Variants in CPQ observed in about 807,000 individuals in gnomAD.
CPQ encodes the protein carboxypeptidase Q.
A neutral mutation model predicts 45.7 loss-of-function variants in CPQ; 37 were observed. The observed-to-expected ratio is 0.81, with a 90% CI of 0.62 to 1.07. The LOEUF (loss-of-function observed/expected upper bound fraction) is 1.07, where lower values mean the gene tolerates loss of function less well. CPQ is among the 50% of genes least tolerant of loss of function. The pLI, the probability that CPQ is intolerant of heterozygous loss-of-function variation, is 0.00. For missense variants in CPQ, 537 were observed against 572.9 expected, an observed-to-expected ratio of 0.94 and a Z score of 0.64; for synonymous variants, 186 against 205.8, an observed-to-expected ratio of 0.90 and a Z score of 0.82.
chr8:96,653,664 A>G (rs1815603515), intron 1 of CPQ, among the ~76,000 whole-genome samples: 1 of 152,362 alleles, frequency 6.6e-6, no homozygotes, highest in South Asian at 2.1e-4. Context: ...AGGTAGAGAA[A>G]AGAAAATTTT....
chr8:96,853,093 T>C (rs968856027), intron 3 of CPQ, among the ~76,000 whole-genome samples: 8 of 152,196 alleles, frequency 5.3e-5, no homozygotes, highest in African/African-American at 1.9e-4. Context: ...AGCTGCAAAA[T>C]ATTTGATGTT....
chr8:96,747,659 C>G (rs1388892072), intron 1 of CPQ, among the ~76,000 whole-genome samples: 1 of 152,136 alleles, frequency 6.6e-6, no homozygotes, highest in Admixed American at 6.5e-5. Flanking sequence ...TTAGATTCAT[C>G]TTTTTTACTT....
intron 1 of CPQ, among the ~76,000 whole-genome samples, chr8:96,711,992 T>C (rs1019457526): frequency 1.3e-5 from 2 of 151,976 alleles, no homozygotes; most frequent in Non-Finnish European, 2.9e-5. Flanking sequence ...CTAGATACAA[T>C]GGGGATACAG....
intron 4 of CPQ, among the ~76,000 whole-genome samples, chr8:96,892,024 C>CT (rs985748018): frequency 8.5e-5 from 13 of 152,098 alleles, no homozygotes; most frequent in African/African-American, 2.2e-4. Flanking sequence ...TAGTGTTACT[C>CT]TTTTTTTTAA....
At chr8:97,109,237 T>C (rs1309019898) in intron 7 of CPQ, among the ~76,000 whole-genome samples, 1 of 152,188 alleles carries the variant, frequency 6.6e-6, no homozygotes, top group Non-Finnish European at 1.5e-5. Flanking sequence ...TTCTCCATGC[T>C]CTGCTAGTTT....
At chr8:96,730,957 A>G (rs1305899073) in intron 1 of CPQ, among the ~76,000 whole-genome samples, 2 of 148,422 alleles carry the variant, frequency 1.3e-5, no homozygotes, top group Non-Finnish European at 3.0e-5. Context: ...TGGAAACCCA[A>G]TGCATAAAAA....
chr8:96,917,553 A>C (rs1478847575), intron 4 of CPQ, among the ~76,000 whole-genome samples: 1 of 152,080 alleles, frequency 6.6e-6, no homozygotes, highest in Admixed American at 6.6e-5. Flanking sequence ...CCATTTCTCC[A>C]AGGAACCCTG....
chr8:96,723,895 C>T (rs1211901091), intron 1 of CPQ, among the ~76,000 whole-genome samples: 2 of 152,052 alleles, frequency 1.3e-5, no homozygotes, highest in Non-Finnish European at 2.9e-5. Flanking sequence ...TTACATCAAA[C>T]TAGATTCCGA....
rs577833656 is a variant in CPQ at position 96,831,951 on chromosome 8, A to G, written c.434-3022A>G. 1.8e-4 allele frequency among the ~76,000 whole-genome samples: 28 copies of G among 152,334 alleles called. No individual in the cohort carries two copies. In the East Asian group the frequency reaches 1.9e-3, roughly 11 times the overall value. ...AGTCTAGTCACATTTCAAGTGGTCA[A>G]TAGCCACATGTGGCTAATGGCTACT... On this transcript the variant is annotated intron_variant, in intron 2 of 7. Coordinates refer to ENST00000220763, the MANE Select transcript of CPQ (RefSeq NM_016134.4).
intron 6 of CPQ, among the ~76,000 whole-genome samples, chr8:97,063,672 A>G (rs1810589974): frequency 6.6e-6 from 1 of 151,978 alleles, no homozygotes; most frequent in East Asian, 1.9e-4. Flanking sequence ...TCAAGTTTCA[A>G]CTTCTGCATG....
At chr8:97,024,290 T>C (rs961305610) in intron 5 of CPQ, among the ~76,000 whole-genome samples, 1 of 152,064 alleles carries the variant, frequency 6.6e-6, no homozygotes, top group Non-Finnish European at 1.5e-5. Flanking sequence ...ACACTAGGGC[T>C]TCCCTCCAGA....
chr8:96,819,202 C>A (rs576502788), intron 2 of CPQ, among the ~76,000 whole-genome samples: 1 of 111,146 alleles, frequency 9.0e-6, no homozygotes, highest in South Asian at 3.6e-4. Context: ...GTTTGAGGGG[C>A]TAATATGAGG....
At chr8:96,665,533 G>C (rs1671776686) in intron 1 of CPQ, among the ~76,000 whole-genome samples, 1 of 152,192 alleles carries the variant, frequency 6.6e-6, no homozygotes, top group South Asian at 2.1e-4. Context: ...GGAAGATTTA[G>C]GGGAAGGTGA....
At chr8:96,892,837 C>A (rs1812396060) in intron 4 of CPQ, among the ~76,000 whole-genome samples, 1 of 152,132 alleles carries the variant, frequency 6.6e-6, no homozygotes, top group African/African-American at 2.4e-5. Flanking sequence ...ATTAATTTGC[C>A]AAAATGGGAT....
chr8:96,977,326 A>G (rs77625372), intron 5 of CPQ, among the ~76,000 whole-genome samples: 2 of 45,566 alleles, frequency 4.4e-5, no homozygotes, highest in South Asian at 6.1e-4. Context: ...TCCGTAATCA[A>G]AAAAAAAAAA....
At chr8:97,130,683 T>C (rs1427969895) in intron 7 of CPQ, among the ~76,000 whole-genome samples, 1 of 152,170 alleles carries the variant, frequency 6.6e-6, no homozygotes, top group African/African-American at 2.4e-5. Context: ...GGGTCAAGAT[T>C]TTTTCATGAG....
chr8:97,119,686 C>T (rs536101110), intron 7 of CPQ, among the ~76,000 whole-genome samples: 99 of 152,270 alleles, frequency 6.5e-4, no homozygotes, highest in Non-Finnish European at 1.1e-3. Context: ...CTTAGAACAG[C>T]GATAGCATAC....
intron 6 of CPQ, among the ~76,000 whole-genome samples, chr8:97,041,601 G>A (rs561646068): frequency 7.9e-5 from 12 of 152,272 alleles, no homozygotes; most frequent in East Asian, 7.7e-4. Context: ...TGCCCATTCA[G>A]TATGATATTG....
intron 6 of CPQ, among the ~76,000 whole-genome samples, chr8:97,065,647 C>A (rs1265909376): frequency 6.6e-6 from 1 of 152,154 alleles, no homozygotes; most frequent in African/African-American, 2.4e-5. Context: ...ATCTGGAGAT[C>A]CCTGCCACAT....
Sources: gnomAD v4.1 joint callset for allele counts (sites outside exome capture counted in the v4.1 genomes callset) on GRCh38, gnomAD v4.1.1 for gene constraint, MANE v1.5 for transcripts, NCBI Gene and HGNC (gene_info 2026-07-23, HGNC 2026-07-21) for gene names.